The following CACNA1I variants were observed in gnomAD, a reference collection of about 807,000 sequenced individuals.
The protein encoded by CACNA1I is voltage-dependent T-type calcium channel subunit alpha-1I.
A neutral mutation model predicts 201.6 loss-of-function variants in CACNA1I; 74 were observed. The ratio of observed to expected loss-of-function variants is 0.37; its 90% confidence interval spans 0.30 to 0.45. The LOEUF (loss-of-function observed/expected upper bound fraction) is 0.45, where lower values mean the gene tolerates loss of function less well. Ranked by LOEUF, CACNA1I falls within the 20% of genes least tolerant of loss-of-function variation. The pLI, the probability that CACNA1I is intolerant of heterozygous loss-of-function variation, is 1.00. For synonymous variants in CACNA1I, 1,431 were observed against 1,345.2 expected, an observed-to-expected ratio of 1.06 and a Z score of -1.40; for missense variants, 2,346 against 3,138.1, an observed-to-expected ratio of 0.75 and a Z score of 6.03.
intron 1 of CACNA1I, among the ~76,000 whole-genome samples, chr22:39,594,114 G>A (rs1932852955): frequency 6.6e-6 from 1 of 152,200 alleles, no homozygotes; most frequent in Admixed American, 6.5e-5. Context: ...AGTCCAGCAG[G>A]CCTGGTGTGA....
In CACNA1I at chr22:39,583,955, A is replaced by G. The variant is rs144662410; in HGVS notation, c.236+12967A>G. 9.7e-4 allele frequency among the ~76,000 whole-genome samples: 147 copies of G among 152,320 alleles called. 1 individual carries two copies. Among genetic ancestry groups the G allele is most frequent in the Non-Finnish European group, 1.4e-3 (92 of 68,024 alleles). ...CATCCTGGCAGGCAAGGTTGGAGGT[A>G]GAGGTTGTATGGCCTGAGATGAGGC... On this transcript the variant is annotated intron_variant, in intron 1 of 36. Coordinates refer to ENST00000402142, the MANE Select transcript of CACNA1I (RefSeq NM_021096.4).
rs775585743 is a variant in CACNA1I, at chr22:39,641,197, G to C, written c.1056+15G>C. 6.2e-7 allele frequency: 1 copy of C among 1,606,638 alleles called. No individual in the cohort carries two copies. Among genetic ancestry groups the C allele is most frequent in the Non-Finnish European group, 8.5e-7 (1 of 1,174,678 alleles). ...TCATCTTCCAGGTGAGGCCATTCAGGCCTGGGGCCAGCCTGGTCCTAGAGT... is the reference window on the plus strand; with the variant it reads ...TCATCTTCCAGGTGAGGCCATTCAGCCCTGGGGCCAGCCTGGTCCTAGAGT... On this transcript the variant is annotated intron_variant, in intron 6 of 36. Coordinates refer to ENST00000402142, the MANE Select transcript of CACNA1I (RefSeq NM_021096.4).
chr22:39,584,261 G>A (rs1330282719), intron 1 of CACNA1I, among the ~76,000 whole-genome samples: 1 of 152,172 alleles, frequency 6.6e-6, no homozygotes, highest in African/African-American at 2.4e-5. Context: ...GTGGGGCGAG[G>A]GGAAGGGAGG....
intron 10 of CACNA1I, among the ~76,000 whole-genome samples, chr22:39,655,110 G>A (rs959877144): frequency 6.6e-6 from 1 of 152,172 alleles, no homozygotes; most frequent in Non-Finnish European, 1.5e-5. Flanking sequence ...TTGAGTCTCA[G>A]GCTCCCTGTC....
At chr22:39,598,637 C>T (rs919391543) in intron 2 of CACNA1I, among the ~76,000 whole-genome samples, 1 of 152,082 alleles carries the variant, frequency 6.6e-6, no homozygotes, top group Non-Finnish European at 1.5e-5. Context: ...CTGCAAAGAA[C>T]AGTGACCCCG....
intron 7 of CACNA1I, among the ~76,000 whole-genome samples, chr22:39,644,054 T>A (rs1203852851): frequency 6.6e-6 from 1 of 151,460 alleles, no homozygotes; most frequent in Non-Finnish European, 1.5e-5. Flanking sequence ...GATGGGGAGG[T>A]GGGAGGCTTC....
chr22:39,573,093 A>T (rs1378657674), intron 1 of CACNA1I, among the ~76,000 whole-genome samples: 7 of 152,092 alleles, frequency 4.6e-5, no homozygotes, highest in Non-Finnish European at 8.8e-5. Flanking sequence ...GGGAAACCTC[A>T]GGGGCTTGTG....
Position 39,646,619 on chromosome 22 carries a change from G to A in CACNA1I, c.1200G>A (p.Gln400=), listed in dbSNP as rs1175061364. The change falls in exon 8 of 37, where the codon CAG becomes CAA. Residue 400 remains glutamine (Q), a synonymous_variant. Transcript: ENST00000402142. The part of the protein sequence containing the change: ...INLCLVVIAT[Q]FSETKQREHR... ...TGTGCCTCGTTGTCATAGCGACCCA[G>A]TTCTCGGAGACCAAGCAACGGGAGC... 6.4e-7 allele frequency: 1 copy of A among 1,572,484 alleles called. No individual in the cohort carries two copies. The highest frequency in any genetic ancestry group is 8.6e-7 in the Non-Finnish European group (1 of 1,159,174).
intron 4 of CACNA1I, among the ~76,000 whole-genome samples, chr22:39,630,781 G>A (rs962557093): frequency 2.0e-5 from 3 of 152,274 alleles, no homozygotes; most frequent in Non-Finnish European, 4.4e-5. Flanking sequence ...GCAAGGGCAC[G>A]GAGGCAGCCC....
In CACNA1I at chr22:39,686,149, CGCCCCCGCCGCCA is replaced by C; in HGVS notation, c.6424_6436del (p.Pro2142AlafsTer126). The C allele has an allele frequency of 7.8e-7, 1 of 1,275,236 alleles. No individual in the cohort carries two copies. Among genetic ancestry groups the C allele is most frequent in the Admixed American group, 3.7e-5 (1 of 27,050 alleles). 79.0% of individuals were successfully genotyped at this position (1,275,236 alleles called of 1,614,324 possible). ...TCGCTCACCTCCCTCTTCTGCCCGC[CGCCCCCGCCGCCA>C]GCCCCCGGCCTCACGCCCGCCAGGA... On this transcript the variant is annotated frameshift_variant, in exon 37 of 37. Coordinates refer to ENST00000402142, the MANE Select transcript of CACNA1I (RefSeq NM_021096.4). LOFTEE classifies it low-confidence loss of function (END_TRUNC).
At chr22:39,597,192 T>G (rs1932911572) in intron 1 of CACNA1I, among the ~76,000 whole-genome samples, 1 of 152,150 alleles carries the variant, frequency 6.6e-6, no homozygotes, top group Non-Finnish European at 1.5e-5. Context: ...GTTGGGGAGA[T>G]CTGAGCAGGC....
intron 24 of CACNA1I, among the ~76,000 whole-genome samples, chr22:39,668,861 G>T (rs1935280476): frequency 6.6e-6 from 1 of 152,204 alleles, no homozygotes; most frequent in South Asian, 2.1e-4. Flanking sequence ...AGGGGCAAAA[G>T]TTTATTCTGA....
At chr22:39,646,166 G>A (rs1934479566) in intron 7 of CACNA1I, among the ~76,000 whole-genome samples, 2 of 152,004 alleles carry the variant, frequency 1.3e-5, no homozygotes, top group African/African-American at 4.8e-5. Flanking sequence ...AGGCCTCAGC[G>A]ATCTTTTCCT....
chr22:39,636,856 TGGACAGAGC>T (rs1934231333), intron 5 of CACNA1I, among the ~76,000 whole-genome samples: 1 of 152,188 alleles, frequency 6.6e-6, no homozygotes. Context: ...CCCTGTGAGA[TGGACAGAGC>T]TCCGTCGTCA....
In CACNA1I at chr22:39,661,250, G is replaced by T; in HGVS notation, c.2841G>T (p.Leu947=). 6.2e-7 allele frequency: 1 copy of T among 1,610,514 alleles called. No homozygotes were observed. Among genetic ancestry groups the T allele is most frequent in the Non-Finnish European group, 8.5e-7 (1 of 1,178,484 alleles). Residue 947 remains leucine, a synonymous_variant, in exon 16 of 37, where the codon CTG becomes CTT. Coordinates refer to ENST00000402142, the MANE Select transcript of CACNA1I (RefSeq NM_021096.4). The part of the protein sequence containing the change: ...SLQPDPMLVA[L]GSRKSSVMSL... ...AGCCGGACCCCATGCTGGTGGCCCT[G>T]GGCTCCCGAAAGAGCAGTGTCATGT...
At chr22:39,592,840 GC>G (rs1932838286) in intron 1 of CACNA1I, among the ~76,000 whole-genome samples, 1 of 152,208 alleles carries the variant, frequency 6.6e-6, no homozygotes, top group South Asian at 2.1e-4. Context: ...AGTGGCTCAA[GC>G]CGGAGACCTT....
chr22:39,660,037 G>A (rs528489916), intron 14 of CACNA1I, among the ~76,000 whole-genome samples, 185 bp downstream of exon 14: 53 of 152,236 alleles, frequency 3.5e-4, no homozygotes, highest in African/African-American at 1.2e-3. Context: ...TGGAGACTGC[G>A]TCTGCCATCC....
At chr22:39,600,875 T>C (rs1419456501) in intron 3 of CACNA1I, among the ~76,000 whole-genome samples, 1 of 152,170 alleles carries the variant, frequency 6.6e-6, no homozygotes, top group Non-Finnish European at 1.5e-5. Context: ...GGTGAGTTTA[T>C]GCTAATTAAT....
chr22:39,620,499 T>A (rs538990842), intron 4 of CACNA1I, among the ~76,000 whole-genome samples: 1 of 152,336 alleles, frequency 6.6e-6, no homozygotes, highest in African/African-American at 2.4e-5. Flanking sequence ...TTCATGTCCA[T>A]GACCTGTTTT....
Sources: allele counts gnomAD v4.1 joint callset (sites outside exome capture counted in the v4.1 genomes callset), GRCh38; gene constraint gnomAD v4.1.1; transcripts MANE v1.5; gene names NCBI Gene and HGNC (gene_info 2026-07-23, HGNC 2026-07-21).